Variants in MAP4K4 observed in about 807,000 individuals in gnomAD.
MAP4K4 encodes the protein mitogen-activated protein kinase kinase kinase kinase 4.
A neutral mutation model predicts 189.6 loss-of-function variants in MAP4K4; 38 were observed. That is an observed-to-expected ratio of 0.20 (90% CI 0.15 to 0.26). The LOEUF is 0.26. Among genes scored for constraint, MAP4K4 ranks in the 10% least tolerant of loss-of-function variants. The probability of loss-of-function intolerance (pLI) is 1.00; values close to 1 mark genes in which losing one functional copy is unlikely to be tolerated. For missense variants in MAP4K4, 1,054 were observed against 1,726.9 expected, an observed-to-expected ratio of 0.61 and a Z score of 6.91; for synonymous variants, 610 against 624.3, an observed-to-expected ratio of 0.98 and a Z score of 0.34.
chr2:101,758,559 A>G (rs1213373383), intron 2 of MAP4K4, among the ~76,000 whole-genome samples: 1 of 152,200 alleles, frequency 6.6e-6, no homozygotes, highest in Non-Finnish European at 1.5e-5. Context: ...GGATTTGGTT[A>G]TACTTGGGGG....
At chr2:101,841,749 G>A (rs1045956287) in intron 10 of MAP4K4, among the ~76,000 whole-genome samples, 2 of 152,084 alleles carry the variant, frequency 1.3e-5, no homozygotes, top group East Asian at 3.9e-4. Context: ...TTACAGGCGG[G>A]AGCCACCACA....
chr2:101,861,535 T>C (rs192152502), intron 16 of MAP4K4: 1 of 152,736 alleles, frequency 6.5e-6, no homozygotes, highest in East Asian at 1.9e-4. Context: ...CAAAAAAGTT[T>C]AGATCTAGTG....
chr2:101,834,152 C>T (rs980751144), intron 7 of MAP4K4, among the ~76,000 whole-genome samples: 1 of 149,678 alleles, frequency 6.7e-6, no homozygotes, highest in African/African-American at 2.5e-5. Flanking sequence ...TTTTCTCCTT[C>T]CTTCCTTTCC....
At position 101,860,358 on chromosome 2, in the gene MAP4K4, G is replaced by T. The variant is rs74381012; in HGVS notation, c.1705-467G>T. The T allele has an allele frequency of 6.7e-3, 1,301 of 194,792 alleles. 19 individuals carry two copies. The highest frequency in any genetic ancestry group is 0.029 in the African/African-American group (1,250 of 43,088). The allele number at this position is 194,792 out of a possible 1,614,324, so 12.1% of individuals were successfully genotyped here. A position where few individuals can be genotyped will look rare whatever the true frequency, so the allele number is the denominator to read the frequency against. On this transcript the variant is annotated intron_variant, in intron 15 of 32. Coordinates refer to ENST00000324219, the Ensembl canonical transcript of MAP4K4. The stretch of plus-strand genomic sequence containing the variant: ...ATGGGCGACAGGTGTGCCTCCAGAG[G>T]TGTTGAATCCCGGCCCACAGGTGGC...
At chr2:101,740,188 C>G (rs1381097722) in intron 2 of MAP4K4, among the ~76,000 whole-genome samples, 1 of 84,926 alleles carries the variant, frequency 1.2e-5, no homozygotes, top group Admixed American at 1.3e-4. Flanking sequence ...GAGTCTCGCT[C>G]TGTCGCCCAG....
exon 24 of MAP4K4, chr2:101,871,544 C>T (rs575794071): frequency 2.9e-5 from 44 of 1,536,136 alleles, no homozygotes; most frequent in South Asian, 2.1e-4. Flanking sequence ...ATGGCTTTGC[C>T]GGTCGCATTC....
intron 2 of MAP4K4, among the ~76,000 whole-genome samples, chr2:101,732,473 C>A (rs1349604677): frequency 6.6e-6 from 1 of 152,172 alleles, no homozygotes; most frequent in Non-Finnish European, 1.5e-5. Context: ...TTCCCCGCTC[C>A]CCTAGCCCCA....
chr2:101,808,846 T>C (rs2095221699), intron 3 of MAP4K4, among the ~76,000 whole-genome samples: 1 of 152,012 alleles, frequency 6.6e-6, no homozygotes. Context: ...ATGGAAAGGC[T>C]TTTTTCTCTA....
At chr2:101,741,404 G>C (rs1311883569) in intron 2 of MAP4K4, among the ~76,000 whole-genome samples, 1 of 151,938 alleles carries the variant, frequency 6.6e-6, no homozygotes, top group Non-Finnish European at 1.5e-5. Flanking sequence ...TCCTGACCTC[G>C]TGATCTGCCT....
intron 2 of MAP4K4, among the ~76,000 whole-genome samples, chr2:101,703,455 T>TA (rs899026267): frequency 6.6e-6 from 1 of 151,414 alleles, no homozygotes; most frequent in African/African-American, 2.4e-5. Context: ...CCATCTCTAC[T>TA]AAAAATATAA....
chr2:101,749,012 A>G (rs1328589928), intron 2 of MAP4K4, among the ~76,000 whole-genome samples: 9 of 141,586 alleles, frequency 6.4e-5, no homozygotes, highest in East Asian at 2.1e-4. Flanking sequence ...ATAAAAGAGG[A>G]TACAAACAAA....
At chr2:101,710,308 C>G (rs2044697555) in intron 2 of MAP4K4, among the ~76,000 whole-genome samples, 1 of 152,214 alleles carries the variant, frequency 6.6e-6, no homozygotes, top group Non-Finnish European at 1.5e-5. Context: ...TCTTAGTTCT[C>G]TATATGTACA....
intron 2 of MAP4K4, among the ~76,000 whole-genome samples, chr2:101,739,830 G>T (rs1262370312): frequency 1.3e-5 from 2 of 152,142 alleles, no homozygotes; most frequent in African/African-American, 4.8e-5. Context: ...ACCAACCTTG[G>T]GACCATCAGA....
At chr2:101,731,161 G>A (rs2058293305) in intron 2 of MAP4K4, among the ~76,000 whole-genome samples, 1 of 151,762 alleles carries the variant, frequency 6.6e-6, no homozygotes, top group Admixed American at 6.6e-5. Flanking sequence ...CTGCTGCCCA[G>A]GCTGGAGTGC....
At chr2:101,775,174 C>T (rs1017363340) in intron 2 of MAP4K4, among the ~76,000 whole-genome samples, 9 of 151,498 alleles carry the variant, frequency 5.9e-5, no homozygotes, top group African/African-American at 1.9e-4. Context: ...CTTTGTGGGG[C>T]CATTATTGGT....
intron 21 of MAP4K4, 65 bp downstream of exon 21, chr2:101,868,102 G>A (rs1019429429): frequency 1.3e-6 from 2 of 1,573,024 alleles, no homozygotes; most frequent in African/African-American, 1.4e-5. Context: ...AGCTCAGCTT[G>A]TATTCGAGCT....
intron 7 of MAP4K4, among the ~76,000 whole-genome samples, chr2:101,832,203 AT>A (rs1255407993): frequency 2.0e-5 from 3 of 152,224 alleles, no homozygotes; most frequent in African/African-American, 4.8e-5. Context: ...ATATAAAGTA[AT>A]AGCTTCATTT....
intron 2 of MAP4K4, among the ~76,000 whole-genome samples, chr2:101,779,681 G>A (rs2086260389): frequency 6.6e-6 from 1 of 151,980 alleles, no homozygotes; most frequent in Admixed American, 6.6e-5. Flanking sequence ...CATGGTATGA[G>A]TTTGCATGAG....
intron 2 of MAP4K4, among the ~76,000 whole-genome samples, chr2:101,783,897 G>A (rs2089176328): frequency 6.6e-6 from 1 of 152,218 alleles, no homozygotes; most frequent in African/African-American, 2.4e-5. Context: ...TTGCATGTCT[G>A]CAGAGGTGTG....
Sources: allele counts gnomAD v4.1 joint callset (sites outside exome capture counted in the v4.1 genomes callset), GRCh38; gene constraint gnomAD v4.1.1; transcripts MANE v1.5; gene names NCBI Gene and HGNC (gene_info 2026-07-23, HGNC 2026-07-21).